Variants in IGLL5 observed in about 807,000 individuals in gnomAD.
The protein encoded by IGLL5 is immunoglobulin lambda like polypeptide 5, also known as immunoglobulin lambda-like polypeptide 5.
IGLL5 carries 30 observed loss-of-function variants against 20.9 expected under a neutral mutation model. The observed-to-expected ratio is 1.44, with a 90% CI of 1.07 to 1.95. IGLL5 has a LOEUF of 1.95. IGLL5 is among the 30% of genes most tolerant of loss of function. The pLI, the probability that IGLL5 is intolerant of heterozygous loss-of-function variation, is 0.00. For synonymous variants in IGLL5, 203 were observed against 117.3 expected, an observed-to-expected ratio of 1.73 and a Z score of -4.72; for missense variants, 475 against 270.7, an observed-to-expected ratio of 1.75 and a Z score of -5.30.
intron 2 of IGLL5, among the ~76,000 whole-genome samples, chr22:22,894,228 G>A (rs2068002671): frequency 2.0e-5 from 3 of 151,356 alleles, no homozygotes; most frequent in South Asian, 4.2e-4. Context: ...TAGGGGAGCA[G>A]CCCCAAGAAC....
chr22:22,888,135 C>T lies in IGLL5; in HGVS notation c.82C>T (p.Leu28=), dbSNP rs148489860. The T allele has an allele frequency of 6.1e-5, 95 of 1,549,326 alleles. 3 individuals are homozygous for T. Among genetic ancestry groups the T allele is most frequent in the East Asian group, 2.5e-4 (10 of 40,678 alleles). ...PGPRQRWPLL[L]LGLAMVAHGL... is the part of the protein sequence containing the mutation. ...TCCCAGGCAGCGCTGGCCCCTGCTG[C>T]TGCTGGGTCTGGCCATGGTCGCCCA... The change falls in exon 1 of 3, where the codon CTG becomes TTG. Residue 28 remains leucine (L), a synonymous_variant. Transcript: ENST00000526893.
intron 1 of IGLL5, among the ~76,000 whole-genome samples, chr22:22,890,469 C>G (rs2067801524): frequency 1.3e-5 from 2 of 148,316 alleles, no homozygotes; most frequent in Admixed American, 7.0e-5. Context: ...TGCTTATAAA[C>G]TTTGTTTTAT....
chr22:22,888,446 A>T (rs989900911), intron 1 of IGLL5, among the ~76,000 whole-genome samples, 187 bp downstream of exon 1: 3 of 151,426 alleles, frequency 2.0e-5, no homozygotes, highest in South Asian at 4.2e-4. Context: ...ACTGTTTTTA[A>T]TATCATATTA....
chr22:22,891,854 C>T lies in IGLL5; in HGVS notation c.207-1846C>T, dbSNP rs190171024. Among the ~76,000 whole-genome samples, 312 of 151,190 alleles carry T rather than the reference C, an allele frequency of 2.1e-3. 1 individual carries two copies. Among genetic ancestry groups the T allele is most frequent in the African/African-American group, 7.3e-3 (303 of 41,234 alleles). Reference sequence around the variant, plus strand: ...AACTTTTCTATGTTGCTCTTGTATCCAGACACTTTAACTCTTGTATTAATT... The same window carrying T: ...AACTTTTCTATGTTGCTCTTGTATCTAGACACTTTAACTCTTGTATTAATT... On this transcript the variant is annotated intron_variant, in intron 1 of 2. Transcript: ENST00000526893.
chr22:22,890,784 C>CT (rs2067819687), intron 1 of IGLL5, among the ~76,000 whole-genome samples: 2 of 151,106 alleles, frequency 1.3e-5, no homozygotes, highest in African/African-American at 4.9e-5. Context: ...AATTGTTGAT[C>CT]TTTTTATATT....
At position 22,887,979 on chromosome 22, in the gene IGLL5, G is replaced by C; in HGVS notation, c.-75G>C. 8.3e-7 allele frequency: 1 copy of C among 1,199,734 alleles called. No homozygotes were observed. The highest frequency in any genetic ancestry group is 1.2e-6 in the Non-Finnish European group (1 of 828,350). 74.3% of individuals were successfully genotyped at this position (1,199,734 alleles called of 1,614,324 possible). On this transcript the variant is annotated 5_prime_UTR_variant, in exon 1 of 3. Transcript: ENST00000526893. ...TGTACTGTAACAGCCCTGCTGGCGAGAGGGACCAGGGCACCGTCCTCCAGG... is the reference window on the plus strand; with the variant it reads ...TGTACTGTAACAGCCCTGCTGGCGACAGGGACCAGGGCACCGTCCTCCAGG...
intron 1 of IGLL5, among the ~76,000 whole-genome samples, chr22:22,888,699 C>A (rs186568750): frequency 6.6e-6 from 1 of 151,270 alleles, no homozygotes; most frequent in African/African-American, 2.4e-5. Flanking sequence ...GAGAAGGCAG[C>A]AAGGGCTTGG....
intron 1 of IGLL5, among the ~76,000 whole-genome samples, chr22:22,888,937 A>G (rs148712628): frequency 6.6e-6 from 1 of 151,334 alleles, no homozygotes; most frequent in African/African-American, 2.4e-5. Context: ...GGGTGCCCCC[A>G]AAAGACAGAG....
At chr22:22,889,510 A>G (rs191270710) in intron 1 of IGLL5, among the ~76,000 whole-genome samples, 6 of 151,354 alleles carry the variant, frequency 4.0e-5, no homozygotes, top group East Asian at 2.0e-4. Flanking sequence ...GCTCAGCATT[A>G]TTAGTGATGG....
chr22:22,893,781 T>TGGG lies in IGLL5; in HGVS notation c.288_289insGGG (p.Cys96_Tyr97insGly). The TGGG allele has an allele frequency of 6.2e-7, 1 of 1,610,070 alleles. No homozygotes were observed. The highest frequency in any genetic ancestry group is 8.5e-7 in the Non-Finnish European group (1 of 1,178,334). ...TTTGGTCTGAGCCTCAGTCACTGTG[T>TGGG]TATGTCTTCGGAACTGGGACCAAGG... is the stretch of plus-strand genomic sequence containing the variant. On this transcript the variant is annotated inframe_insertion, in exon 2 of 3. Transcript: ENST00000526893.
In IGLL5 at chr22:22,895,968, T is replaced by C. The variant is rs1601632639; in HGVS notation, c.*274T>C. The C allele has an allele frequency of 3.5e-6, 2 of 572,930 alleles. No homozygotes were observed. Among genetic ancestry groups the C allele is most frequent in the Non-Finnish European group, 6.2e-6 (2 of 322,502 alleles). 35.5% of individuals were successfully genotyped at this position (572,930 alleles called of 1,614,324 possible). ...AGGCTCACAGCCTCCCTGAGTCATC[T>C]CCCCAGAGGGTCCTTCCTCTCCCAG... is the stretch of plus-strand genomic sequence containing the variant. On this transcript the variant is annotated 3_prime_UTR_variant, in exon 3 of 3. Transcript: ENST00000526893.
At chr22:22,889,339 A>G (rs1265987845) in intron 1 of IGLL5, among the ~76,000 whole-genome samples, 1 of 151,082 alleles carries the variant, frequency 6.6e-6, no homozygotes, top group African/African-American at 2.4e-5. Context: ...GGGACTGTCT[A>G]TGGGCATTAA....
At chr22:22,891,632 G>C (rs2067849808) in intron 1 of IGLL5, among the ~76,000 whole-genome samples, 1 of 151,242 alleles carries the variant, frequency 6.6e-6, no homozygotes, top group African/African-American at 2.4e-5. Flanking sequence ...TCTTTATAAT[G>C]CTCAGTGTTT....
At chr22:22,888,306 C>G (rs538603563) in intron 1 of IGLL5, 47 bp downstream of exon 1, 43 of 1,526,184 alleles carry the variant, frequency 2.8e-5, no homozygotes, top group Admixed American at 9.9e-5. Flanking sequence ...TGCAGCAGAG[C>G]TGGGAAAGGG....
At chr22:22,895,029 A>G (rs2066717969) in intron 2 of IGLL5, among the ~76,000 whole-genome samples, 2 of 151,334 alleles carry the variant, frequency 1.3e-5, no homozygotes, top group South Asian at 2.1e-4. Context: ...TAGGGATGGA[A>G]ATGAGGGATC....
At chr22:22,894,988 G>A (rs546942996) in intron 2 of IGLL5, among the ~76,000 whole-genome samples, 2 of 151,462 alleles carry the variant, frequency 1.3e-5, no homozygotes, top group South Asian at 4.2e-4. Flanking sequence ...TCTAGGTCCT[G>A]GAAGAATAAA....
chr22:22,888,800 C>T (rs2067648643), intron 1 of IGLL5, among the ~76,000 whole-genome samples: 1 of 151,378 alleles, frequency 6.6e-6, no homozygotes, highest in South Asian at 2.1e-4. Flanking sequence ...TGGGATGAAC[C>T]GAGGGGAGCT....
rs1212789617 is a variant in IGLL5 at position 22,888,092 on chromosome 22, T to G, written c.39T>G (p.Pro13=). The change falls in exon 1 of 3, where the codon CCT becomes CCG. Residue 13 remains proline, a synonymous_variant. Transcript: ENST00000526893. ...PKTGQVGCET[P]EELGPGPRQR... ...CAGGCCAAGTGGGTTGTGAGACCCC[T>G]GAGGAGCTGGGCCCTGGTCCCAGGC... 1.9e-6 allele frequency: 3 copies of G among 1,549,340 alleles called. No homozygotes were observed. Among genetic ancestry groups the G allele is most frequent in the Admixed American group, 2.0e-5 (1 of 50,806 alleles).
At chr22:22,889,768 T>A (rs1365330499) in intron 1 of IGLL5, among the ~76,000 whole-genome samples, 1 of 151,162 alleles carries the variant, frequency 6.6e-6, no homozygotes, top group Non-Finnish European at 1.5e-5. Flanking sequence ...TGATTAGGAT[T>A]ATTATTAGTT....
Sources: gnomAD v4.1 joint callset for allele counts (sites outside exome capture counted in the v4.1 genomes callset) on GRCh38, gnomAD v4.1.1 for gene constraint, MANE v1.5 for transcripts, NCBI Gene and HGNC (gene_info 2026-07-23, HGNC 2026-07-21) for gene names.